The following NCAM2 variants were observed in gnomAD, a reference collection of about 807,000 sequenced individuals.
NCAM2 encodes N-CAM-2.
NCAM2 carries 30 observed loss-of-function variants against 98.1 expected under a neutral mutation model. That is an observed-to-expected ratio of 0.31 (90% CI 0.23 to 0.41). NCAM2 has a LOEUF of 0.41. Ranked by LOEUF, NCAM2 falls within the 10% of genes least tolerant of loss-of-function variation. The pLI is 1.00. For missense variants in NCAM2, 867 were observed against 1,005.8 expected (o/e 0.86, Z 1.87); for synonymous variants, 368 against 342.4 (o/e 1.07, Z -0.83).
intron 1 of NCAM2, among the ~76,000 whole-genome samples, chr21:21,275,437 C>T (rs2072692360): frequency 6.8e-6 from 1 of 147,448 alleles, no homozygotes; most frequent in Non-Finnish European, 1.5e-5. Flanking sequence ...GAGACTCTGT[C>T]ATAAAAAAAT....
At chr21:21,058,730 A>G (rs180911572) in intron 1 of NCAM2, among the ~76,000 whole-genome samples, 1 of 151,530 alleles carries the variant, frequency 6.6e-6, no homozygotes, top group East Asian at 1.9e-4. Flanking sequence ...GTAGAAATAC[A>G]TGTTATTTTG....
Position 21,301,519 on chromosome 21 carries a change from A to G in NCAM2, c.619+9278A>G, listed in dbSNP as rs1302610755. Among the ~76,000 whole-genome samples, 20 of 129,456 alleles carry G rather than the reference A, an allele frequency of 1.5e-4. No individual in the cohort carries two copies. The East Asian group carries it at 4.1e-3, about 27-fold the overall frequency. The allele number at this position is 129,456 out of a possible 152,430, so 84.9% of individuals were successfully genotyped here. ...CATCTAGCATTAGGTATATCTCCCAATGCTATCCCTCCCCCCTCCCCCCAC... is the reference window on the plus strand; with the variant it reads ...CATCTAGCATTAGGTATATCTCCCAGTGCTATCCCTCCCCCCTCCCCCCAC... On this transcript the variant is annotated intron_variant, in intron 5 of 17. Transcript: ENST00000400546.
intron 1 of NCAM2, among the ~76,000 whole-genome samples, chr21:21,161,796 A>G (rs2067794419): frequency 6.6e-6 from 1 of 151,990 alleles, no homozygotes; most frequent in Non-Finnish European, 1.5e-5. Context: ...CTGAAGGTGC[A>G]CTTAGTACGT....
At chr21:21,219,022 G>A (rs1295761537) in intron 1 of NCAM2, among the ~76,000 whole-genome samples, 2 of 152,202 alleles carry the variant, frequency 1.3e-5, no homozygotes, top group Admixed American at 1.3e-4. Flanking sequence ...CAGCCTGGGC[G>A]ATGAGCGTGA....
intron 1 of NCAM2, among the ~76,000 whole-genome samples, chr21:21,012,918 G>A (rs2064236716): frequency 6.6e-6 from 1 of 152,086 alleles, no homozygotes; most frequent in South Asian, 2.1e-4. Context: ...GTACCTCAAA[G>A]CATACCCACA....
rs1360004676 is a variant in NCAM2 at position 21,110,723 on chromosome 21, C to T, written c.55+112105C>T. Among the ~76,000 whole-genome samples, 3 of 151,616 alleles carry T rather than the reference C, an allele frequency of 2.0e-5. No homozygotes were observed. In the East Asian group the frequency reaches 5.9e-4, roughly 30 times the overall value. ...ATTTGGAGATTGCATCTTTCTCTAC[C>T]ACAAAACTACCAGTAGACATTGTCC... On this transcript the variant is annotated intron_variant, in intron 1 of 17. Coordinates refer to ENST00000400546, the MANE Select transcript of NCAM2 (RefSeq NM_004540.5).
At chr21:21,034,421 G>C (rs1474665757) in intron 1 of NCAM2, among the ~76,000 whole-genome samples, 3 of 152,080 alleles carry the variant, frequency 2.0e-5, no homozygotes, top group Non-Finnish European at 4.4e-5. Context: ...GTTGCACTTT[G>C]AATCAGGTAT....
At chr21:21,371,353 A>G (rs773821060) in intron 8 of NCAM2, among the ~76,000 whole-genome samples, 12 of 151,778 alleles carry the variant, frequency 7.9e-5, no homozygotes, top group Non-Finnish European at 1.5e-5. Context: ...GAGTATTTGA[A>G]GTTGAGTTTA....
At chr21:21,130,501 G>A (rs900465593) in intron 1 of NCAM2, among the ~76,000 whole-genome samples, 9 of 151,982 alleles carry the variant, frequency 5.9e-5, no homozygotes, top group East Asian at 1.9e-4. Context: ...ACATTTTCCC[G>A]AATGTAAAAG....
chr21:21,102,758 A>G (rs1222957297), intron 1 of NCAM2, among the ~76,000 whole-genome samples: 1 of 152,056 alleles, frequency 6.6e-6, no homozygotes, highest in Admixed American at 6.6e-5. Context: ...CACTCTGTGA[A>G]TCAACCTACT....
At chr21:21,274,750 A>G (rs893070561) in intron 1 of NCAM2, among the ~76,000 whole-genome samples, 1 of 152,152 alleles carries the variant, frequency 6.6e-6, no homozygotes, top group Non-Finnish European at 1.5e-5. Context: ...TGCTTGTTGA[A>G]AAATGTTGCA....
intron 1 of NCAM2, among the ~76,000 whole-genome samples, chr21:21,136,502 C>T (rs1356703129): frequency 5.3e-5 from 8 of 151,010 alleles, no homozygotes; most frequent in Non-Finnish European, 1.0e-4. Flanking sequence ...CATTCTGTCA[C>T]TCATGCTGGA....
At chr21:21,439,122 CTT>C (rs34655565) in intron 12 of NCAM2, among the ~76,000 whole-genome samples, 13 of 145,556 alleles carry the variant, frequency 8.9e-5, no homozygotes, top group Admixed American at 3.4e-4. Context: ...TAAGTACTTC[CTT>C]TTTTTTTTTT....
At chr21:21,486,287 G>T (rs1367504271) in intron 15 of NCAM2, among the ~76,000 whole-genome samples, 1 of 122,360 alleles carries the variant, frequency 8.2e-6, no homozygotes, top group East Asian at 2.7e-4. Flanking sequence ...CTGGGCAACA[G>T]AGCGAGACTC....
chr21:21,150,301 T>G (rs2067410313), intron 1 of NCAM2, among the ~76,000 whole-genome samples: 1 of 152,132 alleles, frequency 6.6e-6, no homozygotes, highest in Non-Finnish European at 1.5e-5. Context: ...TGTGAATTAG[T>G]TTTACTTCTT....
intron 15 of NCAM2, among the ~76,000 whole-genome samples, chr21:21,492,719 A>G (rs557916899): frequency 6.5e-4 from 99 of 151,964 alleles, no homozygotes; most frequent in African/African-American, 2.3e-3. Flanking sequence ...AATAGTTTCA[A>G]CACTTACAAT....
intron 9 of NCAM2, among the ~76,000 whole-genome samples, chr21:21,374,862 C>T (rs768140731): frequency 6.6e-6 from 1 of 151,760 alleles, no homozygotes; most frequent in Non-Finnish European, 1.5e-5. Context: ...AAACAAGATG[C>T]ATTCTCTTAT....
At chr21:21,474,887 T>A (rs1984952843) in intron 14 of NCAM2, among the ~76,000 whole-genome samples, 1 of 151,980 alleles carries the variant, frequency 6.6e-6, no homozygotes, top group African/African-American at 2.4e-5. Flanking sequence ...ATGTTGTGTG[T>A]GTTTGTGTGT....
chr21:21,153,405 T>C (rs985098660), intron 1 of NCAM2, among the ~76,000 whole-genome samples: 9 of 151,898 alleles, frequency 5.9e-5, no homozygotes, highest in African/African-American at 1.9e-4. Flanking sequence ...CTATGCTGTG[T>C]TTATTTGCCC....
Sources: gnomAD v4.1 joint callset for allele counts (sites outside exome capture counted in the v4.1 genomes callset) on GRCh38, gnomAD v4.1.1 for gene constraint, MANE v1.5 for transcripts, NCBI Gene and HGNC (gene_info 2026-07-23, HGNC 2026-07-21) for gene names.